MLF1: variants seen among roughly 807,000 people sequenced by gnomAD.
MLF1 encodes myelodysplasia-myeloid leukemia factor 1.
A neutral mutation model predicts 38.3 loss-of-function variants in MLF1; 37 were observed. That is an observed-to-expected ratio of 0.96 (90% CI 0.74 to 1.27). MLF1 has a LOEUF of 1.27. MLF1 is among the 50% of genes most tolerant of loss of function. The pLI, the probability that MLF1 is intolerant of heterozygous loss-of-function variation, is 0.00. For synonymous variants in MLF1, 95 were observed against 106.5 expected, an observed-to-expected ratio of 0.89 and a Z score of 0.66; for missense variants, 331 against 349.2, an observed-to-expected ratio of 0.95 and a Z score of 0.42.
intron 1 of MLF1, among the ~76,000 whole-genome samples, chr3:158,584,019 A>G (rs980655698): frequency 1.3e-5 from 2 of 152,232 alleles, no homozygotes; most frequent in East Asian, 1.9e-4. Context: ...AAGCAGATAT[A>G]TGCTGGAGAG....
intron 6 of MLF1, 151 bp from the exon 7 acceptor site, chr3:158,602,656 C>T: frequency 1.7e-6 from 1 of 573,940 alleles, no homozygotes; most frequent in Non-Finnish European, 2.8e-6. Context: ...CTACTTTTGT[C>T]AAAGACCCTT....
intron 1 of MLF1, among the ~76,000 whole-genome samples, chr3:158,572,758 G>GGA (rs1250706841): frequency 7.0e-6 from 1 of 142,126 alleles, no homozygotes; most frequent in Non-Finnish European, 1.5e-5. Context: ...GGTGGACAGA[G>GGA]GAGAGTTGAT....
chr3:158,574,747 A>G (rs1715170965), intron 1 of MLF1, among the ~76,000 whole-genome samples: 1 of 151,560 alleles, frequency 6.6e-6, no homozygotes, highest in Admixed American at 6.6e-5. Context: ...CCATAATTTT[A>G]TTATTTTGTA....
chr3:158,598,283 A>G (rs764212020), intron 5 of MLF1, 75 bp downstream of exon 5: 2 of 1,378,090 alleles, frequency 1.5e-6, no homozygotes, highest in Non-Finnish European at 2.0e-6. Flanking sequence ...AATTTTAACT[A>G]TTAAAATTTA....
At position 158,589,701 on chromosome 3, in the gene MLF1, T is replaced by G. The variant is rs143600917; in HGVS notation, c.48-2733T>G. Among the ~76,000 whole-genome samples the G allele has an allele frequency of 3.7e-3, 562 of 152,352 alleles. 3 individuals are homozygous for G. Among genetic ancestry groups the G allele is most frequent in the African/African-American group, 0.013 (545 of 41,590 alleles). ...CTTCTATAACAAATTACCACATATT[T>G]AGAGACTTAAAACAACAAATCATCT... On this transcript the variant is annotated intron_variant, in intron 1 of 7. Transcript: ENST00000466246.
intron 4 of MLF1, 46 bp from the exon 5 acceptor site, chr3:158,598,034 T>C: frequency 1.3e-6 from 2 of 1,595,662 alleles, no homozygotes; most frequent in South Asian, 1.1e-5. Flanking sequence ...CTGGCAATAA[T>C]TATTTATATT....
At chr3:158,601,821 T>TC (rs1227765991) in intron 6 of MLF1, among the ~76,000 whole-genome samples, 2 of 144,748 alleles carry the variant, frequency 1.4e-5, no homozygotes, top group Non-Finnish European at 3.0e-5. Context: ...TTTTTTTTTT[T>TC]TTTTTGAGAC....
chr3:158,593,014 C>T (rs995302826), intron 2 of MLF1, among the ~76,000 whole-genome samples: 2 of 152,002 alleles, frequency 1.3e-5, no homozygotes, highest in African/African-American at 4.8e-5. Context: ...TATATGGTTA[C>T]GTATGGACCT....
chr3:158,600,438 A>G (rs1394643595), intron 6 of MLF1, among the ~76,000 whole-genome samples: 1 of 147,586 alleles, frequency 6.8e-6, no homozygotes, highest in South Asian at 2.2e-4. Context: ...TAGTAATATC[A>G]TTAGGCAAAA....
intron 1 of MLF1, among the ~76,000 whole-genome samples, chr3:158,583,555 G>C (rs994587285): frequency 3.3e-5 from 5 of 152,232 alleles, no homozygotes; most frequent in African/African-American, 1.2e-4. Flanking sequence ...AAACAGGAAA[G>C]CTACTTAAAA....
rs1449438375 is a variant in MLF1, at chr3:158,593,372, AT to A, written c.196-5del. Reference sequence around the variant, plus strand: ...GTCATAATCAAATGAATTGGATATTATTTTTCCAGGCAACGAGTTGTTCTCT... The same window carrying A: ...GTCATAATCAAATGAATTGGATATTATTTTCCAGGCAACGAGTTGTTCTCT... On this transcript the variant is annotated splice_polypyrimidine_tract_variant and intron_variant, in intron 2 of 7. Coordinates refer to ENST00000466246, the MANE Select transcript of MLF1 (RefSeq NM_001369783.1). The A allele has an allele frequency of 1.3e-6, 2 of 1,543,412 alleles. No individual in the cohort carries two copies. The highest frequency in any genetic ancestry group is 1.9e-5 in the Admixed American group (1 of 52,096).
At chr3:158,594,648 T>C (rs1489349182) in intron 3 of MLF1, among the ~76,000 whole-genome samples, 1 of 152,154 alleles carries the variant, frequency 6.6e-6, no homozygotes, top group African/African-American at 2.4e-5. Flanking sequence ...TACTAGGTAA[T>C]GTCTGTGGTG....
At chr3:158,576,470 G>A (rs1020818688) in intron 1 of MLF1, among the ~76,000 whole-genome samples, 6 of 152,100 alleles carry the variant, frequency 3.9e-5, no homozygotes, top group African/African-American at 1.2e-4. Context: ...AAAAAACATC[G>A]ATTATGTAGT....
At chr3:158,597,413 G>A (rs1267043679) in intron 4 of MLF1, among the ~76,000 whole-genome samples, 4 of 152,066 alleles carry the variant, frequency 2.6e-5, no homozygotes, top group East Asian at 3.9e-4. Context: ...TTTTATAAAC[G>A]ACTCTGAAAA....
chr3:158,577,021 A>C (rs1715563838), intron 1 of MLF1, among the ~76,000 whole-genome samples: 2 of 152,122 alleles, frequency 1.3e-5, no homozygotes. Flanking sequence ...TAAGCCTCTC[A>C]GCTCTCCATA....
At chr3:158,600,598 A>G (rs894158714) in intron 6 of MLF1, among the ~76,000 whole-genome samples, 11 of 151,388 alleles carry the variant, frequency 7.3e-5, no homozygotes, top group African/African-American at 9.7e-5. Context: ...TTTTTTCTCA[A>G]ATTATTATTC....
At chr3:158,604,989 A>G in intron 7 of MLF1, 108 bp from the exon 8 acceptor site, 2 of 840,546 alleles carry the variant, frequency 2.4e-6, no homozygotes, top group Non-Finnish European at 1.8e-6. Context: ...AGGAATTTTT[A>G]AGATAAAACT....
chr3:158,575,268 A>C (rs955385477), intron 1 of MLF1, among the ~76,000 whole-genome samples: 1 of 152,198 alleles, frequency 6.6e-6, no homozygotes, highest in South Asian at 2.1e-4. Context: ...TATTCATCAC[A>C]AAGCTTTTGC....
chr3:158,587,536 A>G (rs1402949978), intron 1 of MLF1, among the ~76,000 whole-genome samples: 2 of 152,164 alleles, frequency 1.3e-5, no homozygotes, highest in African/African-American at 2.4e-5. Context: ...AGAGTTCAAA[A>G]CAATGCATTG....
Sources: gnomAD v4.1 joint callset for allele counts (sites outside exome capture counted in the v4.1 genomes callset) on GRCh38, gnomAD v4.1.1 for gene constraint, MANE v1.5 for transcripts, NCBI Gene and HGNC (gene_info 2026-07-23, HGNC 2026-07-21) for gene names.